The following SPOCK3 variants were observed in gnomAD, a reference collection of about 807,000 sequenced individuals.
SPOCK3 encodes the protein SPARC (osteonectin), cwcv and kazal like domains proteoglycan 3, also known as testican-3.
Under a neutral mutation model 56.6 loss-of-function variants are expected in SPOCK3, and 30 were observed. The ratio of observed to expected loss-of-function variants is 0.53; its 90% CI spans 0.40 to 0.72. The LOEUF (loss-of-function observed/expected upper bound fraction) is 0.72. Among genes scored for constraint, SPOCK3 ranks in the 30% least tolerant of loss-of-function variants. The probability of loss-of-function intolerance (pLI) is 0.00; values close to 1 mark genes in which losing one functional copy is unlikely to be tolerated. For synonymous variants in SPOCK3, 196 were observed against 183.3 expected, an observed-to-expected ratio of 1.07 and a Z score of -0.56; for missense variants, 527 against 530.0, an observed-to-expected ratio of 0.99 and a Z score of 0.06.
intron 7 of SPOCK3, among the ~76,000 whole-genome samples, chr4:166,786,935 C>T (rs1394666511): frequency 6.6e-6 from 1 of 152,110 alleles, no homozygotes; most frequent in Admixed American, 6.6e-5. Flanking sequence ...AAAGTATTGA[C>T]AAAGAAGACA....
intron 6 of SPOCK3, among the ~76,000 whole-genome samples, chr4:166,827,380 G>C (rs1357741825): frequency 6.6e-6 from 1 of 152,084 alleles, no homozygotes; most frequent in Non-Finnish European, 1.5e-5. Flanking sequence ...GTGTACAGCA[G>C]CTGGGAACAC....
At position 166,992,947 on chromosome 4, in the gene SPOCK3, C is replaced by A. The variant is rs542838864; in HGVS notation, c.350+7402G>T. Among the ~76,000 whole-genome samples the A allele has an allele frequency of 5.3e-5, 8 of 152,244 alleles. No individual in the cohort carries two copies. In the South Asian group the frequency reaches 1.7e-3, roughly 32 times the overall value. On this transcript the variant is annotated intron_variant, in intron 4 of 10. Transcript: ENST00000357545. ...CTGTTCACATTACACCATTAACTGG[C>A]CTTCATCTATTCCCTGTGTCATAGT...
chr4:166,874,983 G>A (rs972373718), intron 6 of SPOCK3, among the ~76,000 whole-genome samples: 2 of 151,984 alleles, frequency 1.3e-5, no homozygotes, highest in African/African-American at 4.8e-5. Context: ...AAATAACTGT[G>A]CACCTTAGTT....
chr4:167,170,933 T>C (rs1730445780), intron 2 of SPOCK3, among the ~76,000 whole-genome samples: 2 of 151,996 alleles, frequency 1.3e-5, no homozygotes, highest in African/African-American at 4.8e-5. Context: ...ATCAAGTCAG[T>C]TCTAAGGGCT....
At chr4:167,080,382 T>C (rs1173377442) in intron 2 of SPOCK3, among the ~76,000 whole-genome samples, 1 of 152,064 alleles carries the variant, frequency 6.6e-6, no homozygotes, top group Non-Finnish European at 1.5e-5. Context: ...TCCTTTTATA[T>C]TGCAAACATT....
chr4:167,084,426 C>T (rs916470839), intron 2 of SPOCK3, among the ~76,000 whole-genome samples: 1 of 152,122 alleles, frequency 6.6e-6, no homozygotes. Flanking sequence ...AGAATAAGTT[C>T]ACCATTGATA....
chr4:167,005,335 G>C (rs1013078467), intron 3 of SPOCK3, among the ~76,000 whole-genome samples: 2 of 151,504 alleles, frequency 1.3e-5, no homozygotes, highest in Non-Finnish European at 2.9e-5. Context: ...TCAGCCTTCC[G>C]AGTAGCTGGG....
At chr4:167,058,549 C>T (rs1328829928) in intron 3 of SPOCK3, among the ~76,000 whole-genome samples, 1 of 152,062 alleles carries the variant, frequency 6.6e-6, no homozygotes, top group Non-Finnish European at 1.5e-5. Context: ...TAGGAAGAAT[C>T]AATATCATGA....
chr4:167,026,879 C>T (rs17052771), intron 3 of SPOCK3, among the ~76,000 whole-genome samples: 8,856 of 149,704 alleles, frequency 0.059, 292 homozygotes, highest in South Asian at 0.065. Context: ...TGTATCTTCC[C>T]CTTCCTAAAA....
chr4:167,184,201 T>C (rs1016497002), intron 2 of SPOCK3, among the ~76,000 whole-genome samples: 3 of 152,208 alleles, frequency 2.0e-5, no homozygotes, highest in Admixed American at 1.3e-4. Flanking sequence ...AGAATCATCA[T>C]ACATGTATCT....
At chr4:167,226,096 A>G (rs1736568294) in intron 2 of SPOCK3, among the ~76,000 whole-genome samples, 1 of 152,196 alleles carries the variant, frequency 6.6e-6, no homozygotes, top group South Asian at 2.1e-4. Flanking sequence ...CCTTAACACA[A>G]GGAATTCCAT....
chr4:167,005,180 C>A (rs1410988960), intron 3 of SPOCK3, among the ~76,000 whole-genome samples: 1 of 151,974 alleles, frequency 6.6e-6, no homozygotes, highest in Non-Finnish European at 1.5e-5. Context: ...ATACTGAGAA[C>A]AGAATAATGG....
At chr4:166,878,544 A>C (rs17702127) in intron 6 of SPOCK3, among the ~76,000 whole-genome samples, 41,080 of 151,572 alleles carry the variant, frequency 0.27, 6,524 homozygotes, top group East Asian at 0.68. Flanking sequence ...ATGTATAAAA[A>C]ATCTTTAAAA....
intron 7 of SPOCK3, among the ~76,000 whole-genome samples, chr4:166,789,134 A>G (rs1336104233): frequency 6.6e-6 from 1 of 152,080 alleles, no homozygotes. Context: ...TTAATTATTA[A>G]AAATACAAAA....
At chr4:167,027,091 C>T (rs891023200) in intron 3 of SPOCK3, among the ~76,000 whole-genome samples, 1 of 151,920 alleles carries the variant, frequency 6.6e-6, no homozygotes, top group Non-Finnish European at 1.5e-5. Flanking sequence ...CTAATTTATC[C>T]TTGACATTTT....
At chr4:166,788,543 ATATAC>A (rs1290071991) in intron 7 of SPOCK3, among the ~76,000 whole-genome samples, 1 of 151,872 alleles carries the variant, frequency 6.6e-6, no homozygotes, top group Non-Finnish European at 1.5e-5. Flanking sequence ...CATTAAAATG[ATATAC>A]TATAAAGAAG....
intron 4 of SPOCK3, among the ~76,000 whole-genome samples, chr4:166,966,521 C>A (rs1386813530): frequency 6.6e-6 from 1 of 152,112 alleles, no homozygotes; most frequent in African/African-American, 2.4e-5. Flanking sequence ...AAAGCATACT[C>A]ATGAGTTGAG....
rs184750664 is a variant in SPOCK3 at position 166,991,343 on chromosome 4, A to T, written c.350+9006T>A. On this transcript the variant is annotated intron_variant, in intron 4 of 10. Coordinates refer to ENST00000357545, the MANE Select transcript of SPOCK3 (RefSeq NM_001040159.2). ...AAAGATAATGTGACTTTTTGTTTTT[A>T]TATTTATTTATTTATTTATTTATTT... Among the ~76,000 whole-genome samples, 1,063 of 142,912 alleles carry T rather than the reference A, an allele frequency of 7.4e-3. 14 individuals carry two copies. The highest frequency in any genetic ancestry group is 0.026 in the African/African-American group (1,008 of 39,126). 93.8% of individuals were successfully genotyped at this position (142,912 alleles called of 152,430 possible).
chr4:167,000,354 T>A lies in SPOCK3; in HGVS notation c.345A>T (p.Thr115=). ...TTAAATTTAACAATGTTTACCTGTG[T>A]GTAAGCCTCCGGTGACTAATGCAGA... ...TAVCISHRRL[T]HRMKEAGVDH... is the part of the protein sequence containing the mutation. Residue 115 remains threonine, a synonymous_variant, in exon 4 of 11, where the codon ACA becomes ACT. Transcript: ENST00000357545. 2 of 1,535,228 alleles carry A rather than the reference T, an allele frequency of 1.3e-6. No homozygotes were observed. The highest frequency in any genetic ancestry group is 1.8e-6 in the Non-Finnish European group (2 of 1,118,260).
Sources: gnomAD v4.1 joint callset for allele counts (sites outside exome capture counted in the v4.1 genomes callset) on GRCh38, gnomAD v4.1.1 for gene constraint, MANE v1.5 for transcripts, NCBI Gene and HGNC (gene_info 2026-07-23, HGNC 2026-07-21) for gene names.